The following NLGN1 variants were observed in gnomAD, a reference collection of about 807,000 sequenced individuals.
NLGN1 encodes neuroligin 1.
NLGN1 carries 12 observed loss-of-function variants against 65.5 expected under a neutral mutation model. The observed-to-expected ratio is 0.18, with a 90% CI of 0.12 to 0.30. NLGN1 has a LOEUF of 0.30. Ranked by LOEUF, NLGN1 falls within the 10% of genes least tolerant of loss-of-function variation. The probability of loss-of-function intolerance (pLI) is 1.00; values close to 1 mark genes in which losing one functional copy is unlikely to be tolerated. For missense variants in NLGN1, 750 were observed against 1,007.1 expected (o/e 0.74, Z 3.46); for synonymous variants, 350 against 359.5 (o/e 0.97, Z 0.30).
intron 4 of NLGN1, among the ~76,000 whole-genome samples, chr3:174,155,223 A>G (rs1264635388): frequency 6.6e-6 from 1 of 151,068 alleles, no homozygotes; most frequent in Non-Finnish European, 1.5e-5. Flanking sequence ...TCTTTTCTCA[A>G]AGACAAGACG....
intron 3 of NLGN1, among the ~76,000 whole-genome samples, chr3:173,780,188 A>C (rs1435476263): frequency 6.6e-6 from 1 of 152,196 alleles, no homozygotes; most frequent in Non-Finnish European, 1.5e-5. Context: ...TTCCATACAT[A>C]ATAATGTGAA....
At chr3:174,179,681 A>C (rs1327404657) in intron 4 of NLGN1, among the ~76,000 whole-genome samples, 1 of 152,176 alleles carries the variant, frequency 6.6e-6, no homozygotes, top group Non-Finnish European at 1.5e-5. Flanking sequence ...AGTAGTATAT[A>C]TTTTAGATAA....
intron 2 of NLGN1, among the ~76,000 whole-genome samples, chr3:173,581,548 A>G (rs893125393): frequency 3.9e-5 from 6 of 152,020 alleles, no homozygotes; most frequent in African/African-American, 1.4e-4. Flanking sequence ...TGAGGATTAC[A>G]TATATATTTT....
intron 2 of NLGN1, among the ~76,000 whole-genome samples, chr3:173,475,359 G>C (rs760199216): frequency 4.6e-5 from 7 of 151,858 alleles, no homozygotes; most frequent in Non-Finnish European, 8.8e-5. Context: ...TAACTATATA[G>C]TCTCTCTGTG....
At chr3:173,733,683 TA>T (rs1773240518) in intron 3 of NLGN1, among the ~76,000 whole-genome samples, 1 of 152,136 alleles carries the variant, frequency 6.6e-6, no homozygotes, top group Non-Finnish European at 1.5e-5. Flanking sequence ...CTTCTGTATA[TA>T]AACCATTTTT....
chr3:173,867,863 T>C (rs1287963317), intron 4 of NLGN1, among the ~76,000 whole-genome samples: 1 of 152,130 alleles, frequency 6.6e-6, no homozygotes, highest in Non-Finnish European at 1.5e-5. Flanking sequence ...CAGAGTGAGG[T>C]AGGCCATTGC....
At position 174,015,082 on chromosome 3, in the gene NLGN1, G is replaced by A. The variant is rs185768588; in HGVS notation, c.646+207250G>A. Among the ~76,000 whole-genome samples the A allele has an allele frequency of 7.7e-3, 1,173 of 152,022 alleles. 17 individuals carry two copies. Among genetic ancestry groups the A allele is most frequent in the African/African-American group, 0.026 (1,089 of 41,482 alleles). ...CTTATTTACCTTGTCTCAAAGTGGC[G>A]GTTTTATCTTTATAATTACATTTTG... On this transcript the variant is annotated intron_variant, in intron 4 of 6. Coordinates refer to ENST00000457714, the Ensembl canonical transcript of NLGN1.
intron 2 of NLGN1, among the ~76,000 whole-genome samples, chr3:173,539,711 TATATGTAC>T (rs1738321783): frequency 1.6e-5 from 2 of 123,250 alleles, no homozygotes; most frequent in Non-Finnish European, 3.3e-5. Flanking sequence ...CATATATACA[TATATGTAC>T]ATATGCACAT....
chr3:173,843,384 T>C (rs764057123), intron 4 of NLGN1, among the ~76,000 whole-genome samples: 1 of 152,172 alleles, frequency 6.6e-6, no homozygotes, highest in Non-Finnish European at 1.5e-5. Context: ...AGGCATGAAT[T>C]TCTCCTCAGA....
chr3:173,787,565 G>C (rs1000590138), intron 3 of NLGN1, among the ~76,000 whole-genome samples: 1 of 152,098 alleles, frequency 6.6e-6, no homozygotes, highest in Non-Finnish European at 1.5e-5. Flanking sequence ...AGCTTGATTT[G>C]AGACATTTTA....
At chr3:173,468,388 T>C (rs1724732771) in intron 2 of NLGN1, among the ~76,000 whole-genome samples, 2 of 152,126 alleles carry the variant, frequency 1.3e-5, no homozygotes, top group South Asian at 4.1e-4. Flanking sequence ...ATTAACTGTC[T>C]GTGGGCCTAA....
chr3:173,781,684 C>T (rs1483378377), intron 3 of NLGN1, among the ~76,000 whole-genome samples: 5 of 152,160 alleles, frequency 3.3e-5, no homozygotes, highest in Middle Eastern at 3.4e-3. Context: ...GTTAACTCCC[C>T]GTGTCTCAGT....
At chr3:174,262,653 T>C (rs1167898554) in intron 4 of NLGN1, among the ~76,000 whole-genome samples, 1 of 151,878 alleles carries the variant, frequency 6.6e-6, no homozygotes, top group East Asian at 1.9e-4. Context: ...ATTCATTAAT[T>C]TGTTGAAGGG....
chr3:173,622,030 A>G (rs1754071436), intron 3 of NLGN1, among the ~76,000 whole-genome samples: 2 of 152,150 alleles, frequency 1.3e-5, no homozygotes, highest in African/African-American at 2.4e-5. Context: ...TTACCAAAGC[A>G]GGGAGAAAAG....
intron 2 of NLGN1, among the ~76,000 whole-genome samples, chr3:173,538,945 T>C (rs1313449219): frequency 2.0e-5 from 3 of 151,918 alleles, no homozygotes; most frequent in Non-Finnish European, 4.4e-5. Flanking sequence ...TCACCAATTT[T>C]CCAATCATGT....
intron 3 of NLGN1, among the ~76,000 whole-genome samples, chr3:173,692,076 T>C (rs1765550082): frequency 6.6e-6 from 1 of 152,114 alleles, no homozygotes; most frequent in Non-Finnish European, 1.5e-5. Context: ...CACGTAGCAG[T>C]TACCAGGAAA....
chr3:173,667,670 C>A (rs1385511261), intron 3 of NLGN1, among the ~76,000 whole-genome samples: 2 of 152,058 alleles, frequency 1.3e-5, no homozygotes, highest in Non-Finnish European at 2.9e-5. Context: ...CACTCTGTTG[C>A]CCAGGCCGGA....
intron 3 of NLGN1, 92 bp downstream of exon 3, chr3:173,605,685 A>G (rs1751297587): frequency 1.8e-6 from 1 of 560,968 alleles, no homozygotes. Context: ...TGATGCTGGG[A>G]AGTAAATGGT....
At chr3:173,758,936 C>G (rs115094627) in intron 3 of NLGN1, among the ~76,000 whole-genome samples, 5,515 of 151,878 alleles carry the variant, frequency 0.036, 153 homozygotes, top group Non-Finnish European at 0.06. Context: ...ACACTGGGAG[C>G]CTTGTTGGTG....
Sources: allele counts gnomAD v4.1 joint callset (sites outside exome capture counted in the v4.1 genomes callset), GRCh38; gene constraint gnomAD v4.1.1; transcripts MANE v1.5; gene names NCBI Gene and HGNC (gene_info 2026-07-23, HGNC 2026-07-21).